Variants in FRMD4A observed in about 807,000 individuals in gnomAD.
The protein encoded by FRMD4A is FERM domain-containing protein 4A.
Under a neutral mutation model 129.1 loss-of-function variants are expected in FRMD4A, and 29 were observed. That is an observed-to-expected ratio of 0.22 (90% confidence interval 0.17 to 0.31). FRMD4A has a LOEUF of 0.31. Among genes scored for constraint, FRMD4A ranks in the 10% least tolerant of loss-of-function variants. FRMD4A has a pLI of 1.00. For synonymous variants in FRMD4A, 634 were observed against 571.6 expected (o/e 1.11, Z -1.56); for missense variants, 1,272 against 1,375.8 (o/e 0.92, Z 1.19).
rs933919765 is a variant in FRMD4A at position 13,775,941 on chromosome 10, T to C, written c.384+6981A>G. Among the ~76,000 whole-genome samples, 4 of 152,128 alleles carry C rather than the reference T, an allele frequency of 2.6e-5. No individual in the cohort carries two copies. In the East Asian group the frequency reaches 7.7e-4, roughly 29 times the overall value. On this transcript the variant is annotated intron_variant, in intron 6 of 24. Transcript: ENST00000357447. The stretch of plus-strand genomic sequence containing the variant: ...CAAGTATTCCCTTTGGGTAAAACAA[T>C]GGGTTGTCTAAAAAACGAGCTGCAA...
chr10:13,874,201 G>GCAC (rs1378418122), intron 2 of FRMD4A, among the ~76,000 whole-genome samples: 8 of 129,862 alleles, frequency 6.2e-5, no homozygotes, highest in African/African-American at 2.4e-4. Context: ...AGCCGAGATT[G>GCAC]CACGACTGCA....
In FRMD4A at chr10:13,929,090, G is replaced by A. The variant is rs919985631; in HGVS notation, c.46-70178C>T. On this transcript the variant is annotated intron_variant, in intron 2 of 24. Coordinates refer to ENST00000357447, the MANE Select transcript of FRMD4A (RefSeq NM_018027.5). ...TTTTATTTCCTTATTATTTGTAAGC[G>A]TGTTTGGCTGCACAGCAAGCCACAC... 4.6e-5 allele frequency among the ~76,000 whole-genome samples: 7 copies of A among 152,308 alleles called. No individual in the cohort carries two copies. The South Asian group carries it at 6.2e-4, about 14-fold the overall frequency.
chr10:14,211,155 G>A (rs1842924103), intron 2 of FRMD4A, among the ~76,000 whole-genome samples: 1 of 152,190 alleles, frequency 6.6e-6, no homozygotes, highest in African/African-American at 2.4e-5. Flanking sequence ...ATAAATTAAT[G>A]TATAATGTTT....
intron 2 of FRMD4A, among the ~76,000 whole-genome samples, chr10:14,202,679 G>T (rs2131942195): frequency 6.6e-6 from 1 of 152,284 alleles, no homozygotes; most frequent in South Asian, 2.1e-4. Context: ...GGGATTACAG[G>T]CATGAGCCAC....
At chr10:13,812,008 G>A (rs969882540) in intron 3 of FRMD4A, among the ~76,000 whole-genome samples, 1 of 150,072 alleles carries the variant, frequency 6.7e-6, no homozygotes, top group East Asian at 2.0e-4. Context: ...TCAGCCTCCC[G>A]AGTAGCTGGG....
intron 2 of FRMD4A, among the ~76,000 whole-genome samples, chr10:14,202,861 C>T (rs554631438): frequency 2.0e-5 from 3 of 152,272 alleles, no homozygotes; most frequent in East Asian, 3.9e-4. Context: ...TAACCTTGAC[C>T]TCCCAGGCTC....
At chr10:14,000,668 A>AAAAAAAAAAAAAAAAAAAAAAAAAAG (rs1555009702) in intron 2 of FRMD4A, among the ~76,000 whole-genome samples, 15 of 74,632 alleles carry the variant, frequency 2.0e-4, no homozygotes, top group African/African-American at 3.1e-4. Context: ...AAAAAAAAAA[A>AAAAAAAAAAAAAAAAAAAAAAAAAAG]GAGAAGAAAG....
At chr10:13,859,103 C>T (rs566369960) in intron 2 of FRMD4A, among the ~76,000 whole-genome samples, 191 bp from the exon 3 acceptor site, 2 of 152,248 alleles carry the variant, frequency 1.3e-5, no homozygotes, top group Admixed American at 6.5e-5. Flanking sequence ...TGAGGCCGGG[C>T]GCGGTGGCTC....
intron 2 of FRMD4A, among the ~76,000 whole-genome samples, chr10:13,971,083 CA>C (rs2095514928): frequency 1.3e-5 from 2 of 152,194 alleles, no homozygotes; most frequent in Non-Finnish European, 2.9e-5. Context: ...GGTGCACACA[CA>C]TAGGTACACT....
At chr10:14,242,381 A>G (rs1448106297) in intron 2 of FRMD4A, among the ~76,000 whole-genome samples, 6 of 152,182 alleles carry the variant, frequency 3.9e-5, no homozygotes, top group African/African-American at 1.4e-4. Flanking sequence ...ATTCTCACAA[A>G]TCTCTAAGGG....
intron 15 of FRMD4A, among the ~76,000 whole-genome samples, chr10:13,683,794 C>A (rs1048680437): frequency 1.3e-4 from 20 of 151,482 alleles, no homozygotes; most frequent in Admixed American, 1.2e-3. Context: ...TTCACTGCAA[C>A]CTCTGCCTCC....
intron 12 of FRMD4A, among the ~76,000 whole-genome samples, chr10:13,719,158 C>G (rs547804900): frequency 1.1e-3 from 162 of 152,182 alleles, no homozygotes; most frequent in African/African-American, 3.7e-3. Flanking sequence ...GTGGCTGAAC[C>G]CAGATATATT....
rs928777346 is a variant in FRMD4A, at chr10:14,249,091, C to T, written c.45+80967G>A. On this transcript the variant is annotated intron_variant, in intron 2 of 24. Transcript: ENST00000357447. ...ACCGGCCGGATGCAGTGGCTCATGC[C>T]TGTAATCCCAGCACTTTGGGAGGCT... Among the ~76,000 whole-genome samples the T allele has an allele frequency of 2.6e-5, 4 of 152,178 alleles. No individual in the cohort carries two copies. In the South Asian group the frequency reaches 8.3e-4, roughly 31 times the overall value.
At chr10:13,839,028 G>T (rs372531710) in intron 3 of FRMD4A, among the ~76,000 whole-genome samples, 224 of 107,152 alleles carry the variant, frequency 2.1e-3, no homozygotes, top group Non-Finnish European at 3.1e-3. Flanking sequence ...ATAGGGTCTT[G>T]CTCTGTCACT....
At chr10:14,051,074 T>G (rs529025935) in intron 2 of FRMD4A, among the ~76,000 whole-genome samples, 78 of 152,254 alleles carry the variant, frequency 5.1e-4, no homozygotes, top group Middle Eastern at 3.4e-3. Context: ...AGATAGAAGG[T>G]GTCAGGATTG....
At chr10:14,057,389 G>A (rs1834586459) in intron 2 of FRMD4A, among the ~76,000 whole-genome samples, 1 of 152,142 alleles carries the variant, frequency 6.6e-6, no homozygotes, top group South Asian at 2.1e-4. Flanking sequence ...GGGGTTATAG[G>A]ATTAGGTCAT....
At chr10:13,828,816 G>A (rs1302759573) in intron 3 of FRMD4A, among the ~76,000 whole-genome samples, 1 of 152,164 alleles carries the variant, frequency 6.6e-6, no homozygotes. Flanking sequence ...ACAGGCGTGA[G>A]CCACTGCACC....
intron 2 of FRMD4A, among the ~76,000 whole-genome samples, chr10:14,061,139 A>C (rs1834790213): frequency 1.3e-5 from 2 of 152,154 alleles, no homozygotes; most frequent in Non-Finnish European, 2.9e-5. Context: ...TCTGGCTATA[A>C]ATATGCAATA....
chr10:14,128,658 T>C (rs965011047), intron 2 of FRMD4A, among the ~76,000 whole-genome samples: 7 of 152,192 alleles, frequency 4.6e-5, no homozygotes, highest in African/African-American at 1.7e-4. Context: ...GCGGGCCGTA[T>C]GTTACTGCAG....
Sources: gnomAD v4.1 joint callset for allele counts (sites outside exome capture counted in the v4.1 genomes callset) on GRCh38, gnomAD v4.1.1 for gene constraint, MANE v1.5 for transcripts, NCBI Gene and HGNC (gene_info 2026-07-23, HGNC 2026-07-21) for gene names.